LEMD1: variants seen among roughly 807,000 people sequenced by gnomAD.
LEMD1 encodes LEM domain containing 1, also known as LEM domain-containing protein 1.
In LEMD1, 18 loss-of-function variants were observed where a neutral mutation model predicts 17.4. The observed-to-expected ratio is 1.04, with a 90% CI of 0.72 to 1.54. The LOEUF is 1.54. Ranked by LOEUF, LEMD1 falls within the 40% of genes most tolerant of loss-of-function variation. The pLI is 0.00. For synonymous variants in LEMD1, 88 were observed against 77.8 expected (o/e 1.13, Z -0.69); for missense variants, 195 against 210.4 (o/e 0.93, Z 0.45).
At chr1:205,397,080 AG>A in intron 4 of LEMD1, among the ~76,000 whole-genome samples, 1 of 152,268 alleles carries the variant, frequency 6.6e-6, no homozygotes, top group Admixed American at 6.5e-5. Context: ...TGTGATTGGA[AG>A]GTTCACCAAG....
chr1:205,407,551 G>T (rs545667863), intron 4 of LEMD1, among the ~76,000 whole-genome samples: 1 of 152,130 alleles, frequency 6.6e-6, no homozygotes, highest in Non-Finnish European at 1.5e-5. Context: ...CCCAGAGAAA[G>T]CATGGAAACT....
chr1:205,418,075 C>A (rs553446031), intron 3 of LEMD1, among the ~76,000 whole-genome samples: 1 of 152,072 alleles, frequency 6.6e-6, no homozygotes, highest in South Asian at 2.1e-4. Flanking sequence ...CCCGTGCTAA[C>A]GTATGCTTAT....
chr1:205,397,156 GA>G (rs754367373), intron 4 of LEMD1, among the ~76,000 whole-genome samples: 1 of 152,102 alleles, frequency 6.6e-6, no homozygotes, highest in Non-Finnish European at 1.5e-5. Context: ...GCTTCCGCGG[GA>G]AAACAGATGT....
intron 4 of LEMD1, among the ~76,000 whole-genome samples, chr1:205,400,979 G>A (rs1664822560): frequency 6.6e-6 from 1 of 151,054 alleles, no homozygotes; most frequent in African/African-American, 2.4e-5. Flanking sequence ...AGTTTACTGA[G>A]AATGATGATT....
chr1:205,433,406 G>A (rs185539209), intron 1 of LEMD1, among the ~76,000 whole-genome samples: 22 of 150,734 alleles, frequency 1.5e-4, no homozygotes, highest in Admixed American at 5.3e-4. Flanking sequence ...GTAGTGAGCC[G>A]AGGTTGCGCC....
chr1:205,449,683 C>T (rs1666462047), intron 1 of LEMD1, among the ~76,000 whole-genome samples: 1 of 152,188 alleles, frequency 6.6e-6, no homozygotes, highest in Admixed American at 6.5e-5. Flanking sequence ...TGCGGCCTCC[C>T]ACCTGAACTT....
chr1:205,390,075 C>A (rs553571014), intron 4 of LEMD1, among the ~76,000 whole-genome samples: 2 of 152,246 alleles, frequency 1.3e-5, no homozygotes, highest in East Asian at 3.9e-4. Flanking sequence ...CTTCTAGCAA[C>A]CAGGGGAGGT....
At position 205,448,788 on chromosome 1, in the gene LEMD1, G is replaced by T. The variant is rs1305707427; in HGVS notation, c.-39+1080C>A. The stretch of plus-strand genomic sequence containing the variant: ...CTGCTGCCAGTACCCAGGATGGGGG[G>T]CCCCAGGTTAGGCTCCCTCTTTACA... On this transcript the variant is annotated intron_variant, in intron 1 of 3. Coordinates refer to the LEMD1 transcript ENST00000367154. This position sits in a 1 kb window ranked among gnomAD's most constrained non-coding sequence, Gnocchi z 4.7. 1.3e-5 allele frequency among the ~76,000 whole-genome samples: 2 copies of T among 152,276 alleles called. No individual in the cohort carries two copies. The highest frequency in any genetic ancestry group is 1.3e-4 in the Admixed American group (2 of 15,302).
chr1:205,435,729 C>T (rs971993317), intron 1 of LEMD1: 1 of 152,176 alleles, frequency 6.6e-6, no homozygotes, highest in Non-Finnish European at 1.5e-5. Flanking sequence ...AGGAAAAAAT[C>T]CATCCTGATT....
At position 205,421,645 on chromosome 1, in the gene LEMD1, T is replaced by C. The variant is rs879766244; in HGVS notation, c.-39+345A>G. ...AAAGAGAGTTACATTCTAGTACACATAGTAGGTACCTAGTAAATGTTAGTT... is the reference window on the plus strand; with the variant it reads ...AAAGAGAGTTACATTCTAGTACACACAGTAGGTACCTAGTAAATGTTAGTT... On this transcript the variant is annotated intron_variant, in intron 1 of 5. Coordinates refer to ENST00000367153, the MANE Select transcript of LEMD1 (RefSeq NM_001199050.2). Among the ~76,000 whole-genome samples, 30 of 152,234 alleles carry C rather than the reference T, an allele frequency of 2.0e-4. 1 individual carries two copies. The highest frequency in any genetic ancestry group is 6.8e-4 in the African/African-American group (28 of 41,466).
At chr1:205,440,441 G>T (rs1470104802) in intron 1 of LEMD1, among the ~76,000 whole-genome samples, 1 of 152,218 alleles carries the variant, frequency 6.6e-6, no homozygotes, top group Non-Finnish European at 1.5e-5. Context: ...GGAATCCCAG[G>T]AGAGTCTCAC....
At chr1:205,449,788 C>T (rs1407762195) in intron 1 of LEMD1, 1 of 152,702 alleles carries the variant, frequency 6.5e-6, no homozygotes, top group Admixed American at 6.5e-5. Context: ...TGCATAAAGC[C>T]ATGGACTCTA....
At chr1:205,434,234 A>C (rs1276497654) in intron 1 of LEMD1, among the ~76,000 whole-genome samples, 1 of 150,912 alleles carries the variant, frequency 6.6e-6, no homozygotes, top group African/African-American at 2.4e-5. Flanking sequence ...TCTGTTGCCC[A>C]GGCTGGAATG....
intron 4 of LEMD1, among the ~76,000 whole-genome samples, chr1:205,401,031 AT>A (rs1209625980): frequency 6.6e-6 from 1 of 151,226 alleles, no homozygotes; most frequent in African/African-American, 2.4e-5. Context: ...TGAACTCATC[AT>A]TTTTTATGGC....
intron 1 of LEMD1, among the ~76,000 whole-genome samples, chr1:205,443,951 C>T (rs1464600015): frequency 6.6e-6 from 1 of 152,164 alleles, no homozygotes; most frequent in African/African-American, 2.4e-5. Context: ...GAGCAGGAGT[C>T]CTGTCGACTC....
intron 4 of LEMD1, among the ~76,000 whole-genome samples, chr1:205,413,587 C>CTTTTTTT: frequency 1.4e-5 from 1 of 72,478 alleles, no homozygotes; most frequent in Non-Finnish European, 2.4e-5. Context: ...CCATGCCCAA[C>CTTTTTTT]TTTTTTTTTT....
intron 4 of LEMD1, among the ~76,000 whole-genome samples, chr1:205,414,065 G>C (rs1229701728): frequency 1.3e-5 from 2 of 152,176 alleles, no homozygotes; most frequent in African/African-American, 4.8e-5. Context: ...AAGACAGTGT[G>C]AGAGGTGCAG....
intron 4 of LEMD1, among the ~76,000 whole-genome samples, chr1:205,390,210 C>T (rs940326021): frequency 3.9e-5 from 6 of 152,002 alleles, no homozygotes; most frequent in Admixed American, 2.6e-4. Flanking sequence ...CAAAAATTAG[C>T]CGGGCATGGT....
intron 4 of LEMD1, among the ~76,000 whole-genome samples, chr1:205,406,351 G>A (rs1361226966): frequency 6.6e-6 from 1 of 152,248 alleles, no homozygotes; most frequent in Non-Finnish European, 1.5e-5. Context: ...AGCTGTGGTG[G>A]GCTCCACCCA....
Sources: allele counts gnomAD v4.1 joint callset (sites outside exome capture counted in the v4.1 genomes callset), GRCh38; gene constraint gnomAD v4.1.1; non-coding constraint Gnocchi (gnomAD v3.1); transcripts MANE v1.5; gene names NCBI Gene and HGNC (gene_info 2026-07-23, HGNC 2026-07-21).